KITLG: variants seen among roughly 807,000 people sequenced by gnomAD.
KITLG encodes KIT ligand.
A neutral mutation model predicts 34.1 loss-of-function variants in KITLG; 13 were observed. The observed-to-expected ratio is 0.38, with a 90% confidence interval of 0.25 to 0.61. The LOEUF (loss-of-function observed/expected upper bound fraction) is 0.61, where lower values mean the gene tolerates loss of function less well. KITLG is among the 20% of genes least tolerant of loss of function. KITLG has a pLI of 0.60. For missense variants in KITLG, 292 were observed against 318.9 expected (o/e 0.92, Z 0.64); for synonymous variants, 110 against 104.0 (o/e 1.06, Z -0.35).
intron 3 of KITLG, among the ~76,000 whole-genome samples, chr12:88,526,823 G>T (rs1264308013): frequency 1.3e-5 from 2 of 151,312 alleles, no homozygotes; most frequent in Non-Finnish European, 2.9e-5. Flanking sequence ...AACGATAAAG[G>T]ACTGAAAAAG....
At chr12:88,498,805 C>T (rs969103042) in intron 9 of KITLG, among the ~76,000 whole-genome samples, 7 of 152,174 alleles carry the variant, frequency 4.6e-5, no homozygotes, top group Middle Eastern at 3.4e-3. Flanking sequence ...ACCCAGGAGG[C>T]GGAGGTTGCA....
intron 1 of KITLG, among the ~76,000 whole-genome samples, chr12:88,558,139 T>G (rs1030414444): frequency 2.6e-5 from 4 of 152,180 alleles, no homozygotes; most frequent in Non-Finnish European, 5.9e-5. Context: ...CTGAATTTCC[T>G]AGAACCTTTT....
chr12:88,551,506 A>G (rs1171713631), intron 1 of KITLG, among the ~76,000 whole-genome samples: 2 of 152,222 alleles, frequency 1.3e-5, no homozygotes, highest in Non-Finnish European at 2.9e-5. Flanking sequence ...AAAGTATCTC[A>G]GTTATGTAGT....
In KITLG at chr12:88,572,824, GCCA is replaced by G. The variant is rs1220947310; in HGVS notation, c.15+7437_15+7439del. 2.6e-5 allele frequency among the ~76,000 whole-genome samples: 4 copies of G among 152,016 alleles called. No homozygotes were observed. In the East Asian group the frequency reaches 7.7e-4, roughly 29 times the overall value. On this transcript the variant is annotated intron_variant, in intron 1 of 9. Transcript: ENST00000644744. ...GACCACCTGGAAGTAGAAAGCACCA[GCCA>G]TTCTCCTATACTGTGATAATGTATC...
At position 88,554,990 on chromosome 12, in the gene KITLG, T is replaced by C. The variant is rs199905186; in HGVS notation, c.16-9125A>G. On this transcript the variant is annotated intron_variant, in intron 1 of 9. Coordinates refer to ENST00000644744, the MANE Select transcript of KITLG (RefSeq NM_000899.5). ...CCAAAATCTTGTAAAGATACTCTTCTAACTTCCCTTTTGTGAAGAAGTAAG... is the reference window on the plus strand; with the variant it reads ...CCAAAATCTTGTAAAGATACTCTTCCAACTTCCCTTTTGTGAAGAAGTAAG... Among the ~76,000 whole-genome samples the C allele has an allele frequency of 4.6e-5, 7 of 152,338 alleles. No homozygotes were observed. In the East Asian group the frequency reaches 1.4e-3, roughly 29 times the overall value.
At chr12:88,534,487 T>C (rs1870230619) in intron 2 of KITLG, among the ~76,000 whole-genome samples, 1 of 151,984 alleles carries the variant, frequency 6.6e-6, no homozygotes, top group Non-Finnish European at 1.5e-5. Context: ...AATCCTCGCA[T>C]GTGTCAGCCT....
chr12:88,563,552 A>G (rs1419886260), intron 1 of KITLG, among the ~76,000 whole-genome samples: 2 of 152,206 alleles, frequency 1.3e-5, no homozygotes, highest in Non-Finnish European at 2.9e-5. Context: ...GCTAATAATC[A>G]TGACTAAGTG....
chr12:88,497,676 C>T (rs906639), intron 9 of KITLG, among the ~76,000 whole-genome samples: 11,957 of 152,114 alleles, frequency 0.079, 517 homozygotes, highest in Non-Finnish European at 0.1. Context: ...GAAGGATTGA[C>T]GAACAAAGTG....
intron 1 of KITLG, among the ~76,000 whole-genome samples, chr12:88,573,044 C>T (rs1244168779): frequency 6.6e-6 from 1 of 152,130 alleles, no homozygotes; most frequent in African/African-American, 2.4e-5. Flanking sequence ...ATTTCAGAAG[C>T]GTTAAATTGT....
chr12:88,503,504 A>C (rs1292668597), intron 9 of KITLG, among the ~76,000 whole-genome samples: 2 of 152,232 alleles, frequency 1.3e-5, no homozygotes, highest in Non-Finnish European at 2.9e-5. Context: ...ATTCGCATGC[A>C]ACTGTGGTAA....
intron 1 of KITLG, among the ~76,000 whole-genome samples, chr12:88,564,856 A>G (rs535259605): frequency 6.6e-6 from 1 of 152,340 alleles, no homozygotes; most frequent in African/African-American, 2.4e-5. Flanking sequence ...TTTTAAAAGT[A>G]CATGCAATAT....
chr12:88,570,020 C>T (rs1871594231), intron 1 of KITLG, among the ~76,000 whole-genome samples: 1 of 152,140 alleles, frequency 6.6e-6, no homozygotes, highest in Non-Finnish European at 1.5e-5. Context: ...TGATCACAGA[C>T]ATTTAAAACC....
At position 88,495,907 on chromosome 12, in the gene KITLG, G is replaced by A. The variant is rs142047199; in HGVS notation, c.*1312C>T. On this transcript the variant is annotated 3_prime_UTR_variant, in exon 10 of 10. Coordinates refer to ENST00000644744, the MANE Select transcript of KITLG (RefSeq NM_000899.5). ...ATGTTTTCTTATTATAAAAAAAATTGGCAAGGGATATTCACATAATGTCTT... is the reference window on the plus strand; with the variant it reads ...ATGTTTTCTTATTATAAAAAAAATTAGCAAGGGATATTCACATAATGTCTT... 5.9e-5 allele frequency: 9 copies of A among 152,108 alleles called. No individual in the cohort carries two copies. The East Asian group carries it at 1.7e-3, about 29-fold the overall frequency. The allele number at this position is 152,108 out of a possible 1,614,324, so 9.4% of individuals were successfully genotyped here.
chr12:88,546,945 G>A (rs148956580), intron 1 of KITLG, among the ~76,000 whole-genome samples: 11 of 152,288 alleles, frequency 7.2e-5, no homozygotes, highest in African/African-American at 1.4e-4. Flanking sequence ...CAGGAAGACA[G>A]TGCCAAGAAA....
At chr12:88,509,199 T>C (rs1869183804) in intron 6 of KITLG, among the ~76,000 whole-genome samples, 1 of 152,192 alleles carries the variant, frequency 6.6e-6, no homozygotes, top group African/African-American at 2.4e-5. Flanking sequence ...GAAGATGCTA[T>C]GGAGAACTCC....
intron 1 of KITLG, among the ~76,000 whole-genome samples, chr12:88,554,101 A>G (rs1871016893): frequency 6.6e-6 from 1 of 152,148 alleles, no homozygotes; most frequent in Non-Finnish European, 1.5e-5. Context: ...CAAACACCCA[A>G]AACAAACCAT....
At chr12:88,570,282 C>A (rs1871602328) in intron 1 of KITLG, among the ~76,000 whole-genome samples, 1 of 152,072 alleles carries the variant, frequency 6.6e-6, no homozygotes, top group African/African-American at 2.4e-5. Context: ...TCAGATGAGT[C>A]AGGCAAGGGG....
intron 1 of KITLG, among the ~76,000 whole-genome samples, chr12:88,554,697 G>A (rs1566032564): frequency 6.6e-6 from 1 of 152,008 alleles, no homozygotes; most frequent in African/African-American, 2.4e-5. Flanking sequence ...ATCCTCATTT[G>A]GTGAATAACC....
intron 6 of KITLG, among the ~76,000 whole-genome samples, chr12:88,507,665 C>T (rs1313768691): frequency 1.3e-5 from 2 of 152,086 alleles, no homozygotes; most frequent in Admixed American, 6.5e-5. Context: ...GCTGTTTCCA[C>T]GTTCATATCT....
Sources: allele counts gnomAD v4.1 joint callset (sites outside exome capture counted in the v4.1 genomes callset), GRCh38; gene constraint gnomAD v4.1.1; transcripts MANE v1.5; gene names NCBI Gene and HGNC (gene_info 2026-07-23, HGNC 2026-07-21).